The following CIZ1 variants were observed in gnomAD, a reference collection of about 807,000 sequenced individuals.
CIZ1 encodes the protein cip1-interacting zinc finger protein.
Under a neutral mutation model 118.6 loss-of-function variants are expected in CIZ1, and 58 were observed. That is an observed-to-expected ratio of 0.49 (90% CI 0.40 to 0.61). CIZ1 has a LOEUF of 0.61. Ranked by LOEUF, CIZ1 falls within the 20% of genes least tolerant of loss-of-function variation. CIZ1 has a pLI of 0.00. For synonymous variants in CIZ1, 448 were observed against 443.4 expected (o/e 1.01, Z -0.13); for missense variants, 921 against 1,115.9 (o/e 0.83, Z 2.49).
chr9:128,178,557 GC>G, intron 8 of CIZ1, 67 bp from the exon 9 acceptor site: 2 of 1,610,522 alleles, frequency 1.2e-6, no homozygotes, highest in Non-Finnish European at 1.7e-6. Flanking sequence ...TCCGTCCGCA[GC>G]CAGAACCTTG....
chr9:128,177,197 C>G (rs1424821610), intron 10 of CIZ1, among the ~76,000 whole-genome samples: 1 of 152,146 alleles, frequency 6.6e-6, no homozygotes, highest in African/African-American at 2.4e-5. Context: ...CCTAAACTTT[C>G]CTTTGTCTGA....
At chr9:128,180,984 C>G (rs888032660) in intron 5 of CIZ1, among the ~76,000 whole-genome samples, 170 bp from the exon 6 acceptor site, 2 of 152,196 alleles carry the variant, frequency 1.3e-5, no homozygotes, top group Non-Finnish European at 2.9e-5. Context: ...ATGTCCCAAC[C>G]ATGGTGTCTA....
At chr9:128,197,312 A>C (rs533249481) in intron 1 of CIZ1, 1 of 152,266 alleles carries the variant, frequency 6.6e-6, no homozygotes, top group Non-Finnish European at 1.5e-5. Flanking sequence ...ATCTGTGTCC[A>C]TCACCCTACA....
intron 11 of CIZ1, among the ~76,000 whole-genome samples, chr9:128,171,627 C>T (rs1266234248): frequency 1.3e-5 from 2 of 150,398 alleles, no homozygotes; most frequent in Non-Finnish European, 3.0e-5. Context: ...ATCCCAGCTA[C>T]TCGGGAGGCT....
At chr9:128,190,272 C>G (rs964434911) in intron 3 of CIZ1, 57 bp downstream of exon 3, 1 of 1,223,154 alleles carries the variant, frequency 8.2e-7, no homozygotes, top group Non-Finnish European at 1.2e-6. Flanking sequence ...TAGAGCAATG[C>G]GCTGCTAGGG....
upstream of CIZ1, chr9:128,191,682 G>A: frequency 7.8e-7 from 1 of 1,285,940 alleles, no homozygotes; most frequent in Non-Finnish European, 9.9e-7. This position sits in a 1 kb window ranked among gnomAD's most constrained non-coding sequence, Gnocchi z 5.5. Flanking sequence ...CACGCTGGGG[G>A]GCGGCTGCGG....
chr9:128,187,236 C>G (rs2131006073), intron 4 of CIZ1, among the ~76,000 whole-genome samples: 1 of 152,346 alleles, frequency 6.6e-6, no homozygotes, highest in South Asian at 2.1e-4. Flanking sequence ...CCACCACATC[C>G]AGCTCCTTAT....
intron 5 of CIZ1, among the ~76,000 whole-genome samples, chr9:128,182,839 G>C (rs1486976617): frequency 6.6e-6 from 1 of 151,594 alleles, no homozygotes; most frequent in East Asian, 1.9e-4. Flanking sequence ...TCCTAGGCTA[G>C]TCTCGAACTC....
chr9:128,198,830 C>CA (rs201495644), intron 1 of CIZ1, among the ~76,000 whole-genome samples: 103 of 141,862 alleles, frequency 7.3e-4, no homozygotes, highest in South Asian at 1.6e-3. Flanking sequence ...GACTCCATCT[C>CA]AAAAAAACAA....
At position 128,176,406 on chromosome 9, in the gene CIZ1, C is replaced by T. The variant is rs1369097496; in HGVS notation, c.1888G>A (p.Ala630Thr). 6.2e-7 allele frequency: 1 copy of T among 1,613,992 alleles called. No homozygotes were observed. Among genetic ancestry groups the T allele is most frequent in the Non-Finnish European group, 8.5e-7 (1 of 1,180,024 alleles). Residue 630 changes from alanine (A) to threonine (T), a missense_variant, in exon 11 of 17, where the codon GCC (alanine) becomes ACC (threonine). Ala to Thr is a moderately conservative substitution (Grantham distance 58). Transcript: ENST00000372938. ...ACGGGCAGCAGGGACAGGAGGCAGG[C>T]TTGGCTCATGTGCTGGATCTCCCCT... ...RLGEIQHMSQ[A>T]CLLSLLPVPR...
intron 7 of CIZ1, among the ~76,000 whole-genome samples, chr9:128,179,709 G>A (rs1342038807): frequency 6.6e-6 from 1 of 152,018 alleles, no homozygotes; most frequent in African/African-American, 2.4e-5. Context: ...TTTCGCTCTT[G>A]TTGCCCAGGC....
chr9:128,191,973 G>T, upstream of CIZ1: 1 of 1,344,868 alleles, frequency 7.4e-7, no homozygotes, highest in East Asian at 3.0e-5. The surrounding 1 kb of genome is among the most constrained non-coding windows in gnomAD (Gnocchi z 5.5). Context: ...CGAGAGGGCG[G>T]CCAAGGTCTT....
At position 128,190,738 on chromosome 9, in the gene CIZ1, C is replaced by A; in HGVS notation, c.120G>T (p.Gln40His). 1 of 1,548,748 alleles carries A rather than the reference C, an allele frequency of 6.5e-7. No individual in the cohort carries two copies. The change falls in exon 2 of 17, where the codon CAG becomes CAT. Residue 40 changes from glutamine (Q) to histidine (H), a missense_variant. By Grantham distance (24) the Gln-to-His change is conservative. Coordinates refer to ENST00000372938, the MANE Select transcript of CIZ1 (RefSeq NM_001131016.2). ...CCTGTGGTGGGGACTGCTGGAGCAG[C>A]TGCTGGAGCTGCAGTAACTGCTGCT... is the stretch of plus-strand genomic sequence containing the variant. ...LQQQQLLQLQ[Q>H]LLQQSPPQAP...
Position 128,179,347 on chromosome 9 carries a change from A to G in CIZ1, c.860T>C (p.Met287Thr), listed in dbSNP as rs202228394. Residue 287 changes from methionine to threonine, a missense_variant, in exon 8 of 17, where the codon ATG becomes ACG. Transcript: ENST00000372938. ...LQVKAQPQARMTVPKQTQTPD... is the reference protein window; with the variant it reads ...LQVKAQPQARTTVPKQTQTPD... ...TGTCTGTGTCTGTTTCGGTACTGTCATCCGGGCCTGCGGCTGGGCCTTCAC... is the reference window on the plus strand; with the variant it reads ...TGTCTGTGTCTGTTTCGGTACTGTCGTCCGGGCCTGCGGCTGGGCCTTCAC... 3 of 1,614,004 alleles carry G rather than the reference A, an allele frequency of 1.9e-6. No individual in the cohort carries two copies. The highest frequency in any genetic ancestry group is 2.5e-6 in the Non-Finnish European group (3 of 1,179,994).
intron 5 of CIZ1, among the ~76,000 whole-genome samples, chr9:128,181,193 G>A (rs754813295): frequency 3.3e-4 from 50 of 151,914 alleles, no homozygotes; most frequent in Non-Finnish European, 5.1e-4. Context: ...CCGGCTCACT[G>A]CAACCTCTGC....
rs1003033129 is a variant in CIZ1, at chr9:128,178,918, T to A, written c.1289A>T (p.Gln430Leu). Residue 430 changes from glutamine (Q) to leucine (L), a missense_variant, in exon 8 of 17, where the codon CAG (glutamine) becomes CTG (leucine). Physicochemically the swap from Gln to Leu is moderately radical, Grantham distance 113. Transcript: ENST00000372938. ...QLQLQKQVQT[Q>L]TYPQVHTQAQ... ...CTGTGTGTGGACCTGTGGATATGTC[T>A]GTGTCTGGACCTGCTTCTGCAGCTG... 6.2e-7 allele frequency: 1 copy of A among 1,614,142 alleles called. No individual in the cohort carries two copies. The highest frequency in any genetic ancestry group is 1.3e-5 in the African/African-American group (1 of 74,948).
intron 1 of CIZ1, among the ~76,000 whole-genome samples, chr9:128,201,031 G>A (rs971356335): frequency 1.3e-5 from 2 of 152,038 alleles, no homozygotes; most frequent in Non-Finnish European, 2.9e-5. Flanking sequence ...CACTTTGGGA[G>A]GCAGAGGCAG....
rs760501967 is a variant in CIZ1 at position 128,176,304 on chromosome 9, G to A, written c.1943+47C>T. ...ATGGTAGATTCAGGCCCTGGCCGAT[G>A]AGACTGCCTACCCCCCAACACAGAG... On this transcript the variant is annotated intron_variant, in intron 11 of 16. Coordinates refer to ENST00000372938, the MANE Select transcript of CIZ1 (RefSeq NM_001131016.2). 6 of 1,601,488 alleles carry A rather than the reference G, an allele frequency of 3.7e-6. No individual in the cohort carries two copies. In the Admixed American group the frequency reaches 8.5e-5, roughly 23 times the overall value.
At position 128,191,274 on chromosome 9, in the gene CIZ1, G is replaced by T. The variant is rs73607702; in HGVS notation, c.-6+158C>A. The T allele has an allele frequency of 0.12, 25,288 of 219,680 alleles. 3,076 individuals carry two copies. The highest frequency in any genetic ancestry group is 0.42 in the East Asian group (3,047 of 7,332). 13.6% of individuals were successfully genotyped at this position (219,680 alleles called of 1,614,324 possible). On this transcript the variant is annotated intron_variant, in intron 1 of 16. Transcript: ENST00000372938. The surrounding 1 kb of genome is among the most constrained non-coding windows in gnomAD (Gnocchi z 5.5). Reference sequence around the variant, plus strand: ...AATAACATCGGCACCCGTCCAACCCGGTCACCGTGGTCCTGAGCTCCGTGG... The same window carrying T: ...AATAACATCGGCACCCGTCCAACCCTGTCACCGTGGTCCTGAGCTCCGTGG...
Sources: gnomAD v4.1 joint callset for allele counts (sites outside exome capture counted in the v4.1 genomes callset) on GRCh38, gnomAD v4.1.1 for gene constraint, Gnocchi (gnomAD v3.1) non-coding constraint, MANE v1.5 for transcripts, NCBI Gene and HGNC (gene_info 2026-07-23, HGNC 2026-07-21) for gene names.